Variants in RTTN observed in about 807,000 individuals in gnomAD.
RTTN encodes the protein rotatin.
RTTN carries 182 observed loss-of-function variants against 269.2 expected under a neutral mutation model. The observed-to-expected ratio is 0.68, with a 90% CI of 0.60 to 0.76. RTTN has a LOEUF of 0.76. Ranked by LOEUF, RTTN falls within the 30% of genes least tolerant of loss-of-function variation. RTTN has a pLI of 0.00. For synonymous variants in RTTN, 1,006 were observed against 963.5 expected, an observed-to-expected ratio of 1.04 and a Z score of -0.82; for missense variants, 2,545 against 2,608.6, an observed-to-expected ratio of 0.98 and a Z score of 0.53.
chr18:70,004,910 A>G (rs1237494145), intron 48 of RTTN, among the ~76,000 whole-genome samples: 1 of 152,218 alleles, frequency 6.6e-6, no homozygotes, highest in African/African-American at 2.4e-5. Context: ...TAATTGGGCC[A>G]GTTCTTATCA....
chr18:70,133,128 C>T (rs1018709973), intron 23 of RTTN, among the ~76,000 whole-genome samples: 8 of 152,132 alleles, frequency 5.3e-5, no homozygotes, highest in South Asian at 2.1e-4. Flanking sequence ...AGCACACTTA[C>T]TAGAGAACAT....
Position 70,004,059 on chromosome 18 carries a change from G to A in RTTN, c.*92C>T, listed in dbSNP as rs536091118. ...TCAACACTTTGTAGAGAGGTAGCAC[G>A]TCTTCAGGTAACAGCTGCTACACAC... On this transcript the variant is annotated 3_prime_UTR_variant, in exon 49 of 49. Transcript: ENST00000640769. The A allele has an allele frequency of 3.7e-4, 334 of 892,088 alleles. 3 individuals carry two copies. Among genetic ancestry groups the A allele is most frequent in the South Asian group, 3.4e-3 (241 of 71,388 alleles). The allele number at this position is 892,088 out of a possible 1,614,324, so 55.3% of individuals were successfully genotyped here.
At chr18:70,171,861 A>T (rs2061152100) in intron 11 of RTTN, among the ~76,000 whole-genome samples, 1 of 152,218 alleles carries the variant, frequency 6.6e-6, no homozygotes, top group East Asian at 1.9e-4. Flanking sequence ...TGTGATTAAC[A>T]ATATCTCTAA....
In RTTN at chr18:70,057,724, C is replaced by T. The variant is rs1311786903; in HGVS notation, c.5031+18G>A. 8.1e-6 allele frequency: 13 copies of T among 1,605,194 alleles called. No homozygotes were observed. Among genetic ancestry groups the T allele is most frequent in the East Asian group, 4.5e-5 (2 of 44,822 alleles). ...CACCTAACGTAAACAAACCCACAAA[C>T]AGACTTGAGATGCTTACCTGAGCCT... On this transcript the variant is annotated intron_variant, in intron 37 of 48. Transcript: ENST00000640769.
chr18:70,077,737 T>C (rs889976321), intron 32 of RTTN, among the ~76,000 whole-genome samples: 1 of 151,892 alleles, frequency 6.6e-6, no homozygotes, highest in African/African-American at 2.4e-5. Flanking sequence ...GACACAAATT[T>C]ATAACTAAAT....
At position 70,170,921 on chromosome 18, in the gene RTTN, T is replaced by C. The variant is rs185244013; in HGVS notation, c.1477-1854A>G. Reference sequence around the variant, plus strand: ...AAAAGAAAGGAATCAAGGCTGACTCTAAGGTTTTTGCCTGATCAACGATCA... The same window carrying C: ...AAAAGAAAGGAATCAAGGCTGACTCCAAGGTTTTTGCCTGATCAACGATCA... On this transcript the variant is annotated intron_variant, in intron 11 of 48. Transcript: ENST00000640769. Among the ~76,000 whole-genome samples the C allele has an allele frequency of 1.9e-4, 29 of 152,270 alleles. No homozygotes were observed. The East Asian group carries it at 5.4e-3, about 28-fold the overall frequency.
intron 32 of RTTN, among the ~76,000 whole-genome samples, chr18:70,082,166 C>T (rs755602907): frequency 6.6e-6 from 1 of 152,118 alleles, no homozygotes; most frequent in Non-Finnish European, 1.5e-5. Flanking sequence ...AAATCACAAA[C>T]TGACAACCCA....
intron 20 of RTTN, 29 bp from the exon 21 acceptor site, chr18:70,139,745 C>T: frequency 1.5e-6 from 2 of 1,324,458 alleles, no homozygotes; most frequent in Non-Finnish European, 2.2e-6. Flanking sequence ...CACAGCTTTT[C>T]ATTTTCACCA....
chr18:70,028,772 A>G lies in RTTN; in HGVS notation c.5775T>C (p.Ile1925=), dbSNP rs762466188. The G allele has an allele frequency of 1.2e-6, 2 of 1,612,120 alleles. No homozygotes were observed. Among genetic ancestry groups the G allele is most frequent in the South Asian group, 2.2e-5 (2 of 90,876 alleles). The change falls in exon 43 of 49, where the codon ATT becomes ATC. Residue 1925 remains isoleucine, a synonymous_variant. Coordinates refer to ENST00000640769, the MANE Select transcript of RTTN (RefSeq NM_173630.4). ...KEDGVIKELS[I]AMQLLRNCLY... is the part of the protein sequence containing the mutation. ...GACAGTTTCTTAGGAGCTGCATGGC[A>G]ATGCTTAACTCTTTAATAACACCAT...
chr18:70,134,600 A>G, intron 22 of RTTN, 59 bp from the exon 23 acceptor site: 2 of 1,158,688 alleles, frequency 1.7e-6, no homozygotes, highest in South Asian at 2.7e-5. Context: ...AGTTTTGTCT[A>G]ACAAATACAA....
chr18:70,165,289 T>G (rs1466901083), intron 14 of RTTN, among the ~76,000 whole-genome samples: 1 of 151,430 alleles, frequency 6.6e-6, no homozygotes, highest in Non-Finnish European at 1.5e-5. Flanking sequence ...ATTCTTTAAA[T>G]TATTTAAAGA....
chr18:70,181,009 G>A (rs1421599230), intron 10 of RTTN, among the ~76,000 whole-genome samples: 1 of 152,132 alleles, frequency 6.6e-6, no homozygotes, highest in Non-Finnish European at 1.5e-5. Flanking sequence ...AGCAGGGAAG[G>A]TCTATGTAAT....
Position 70,040,177 on chromosome 18 carries a change from CAGTGGCTGA to C in RTTN, c.5541+7785_5541+7793del, listed in dbSNP as rs554707845. 2.0e-4 allele frequency among the ~76,000 whole-genome samples: 31 copies of C among 152,214 alleles called. No homozygotes were observed. The South Asian group carries it at 3.1e-3, about 15-fold the overall frequency. On this transcript the variant is annotated intron_variant, in intron 40 of 48. Coordinates refer to ENST00000640769, the MANE Select transcript of RTTN (RefSeq NM_173630.4). ...CTAAACTCTACAATAAAAACACACACAGTGGCTGAAGGGATGAAAAAACAATGCCCACTT... is the reference window on the plus strand; with the variant it reads ...CTAAACTCTACAATAAAAACACACACAGGGATGAAAAAACAATGCCCACTT...
chr18:70,160,657 GAA>G (rs34101176), intron 14 of RTTN, among the ~76,000 whole-genome samples: 221 of 106,130 alleles, frequency 2.1e-3, no homozygotes, highest in East Asian at 9.8e-3. Flanking sequence ...TTCTATACCT[GAA>G]AAAAAAAAAA....
intron 28 of RTTN, among the ~76,000 whole-genome samples, chr18:70,101,109 T>G (rs1283417730): frequency 6.6e-5 from 10 of 152,182 alleles, no homozygotes; most frequent in Admixed American, 5.2e-4. Context: ...TTAGGGAGGA[T>G]TCCCTCTTTT....
At chr18:70,043,983 C>A (rs2057418554) in intron 40 of RTTN, among the ~76,000 whole-genome samples, 1 of 152,194 alleles carries the variant, frequency 6.6e-6, no homozygotes, top group Non-Finnish European at 1.5e-5. Flanking sequence ...AAAAAGAAAT[C>A]AAGACGATAT....
chr18:70,056,008 G>C (rs1487520858), intron 37 of RTTN, among the ~76,000 whole-genome samples: 1 of 152,108 alleles, frequency 6.6e-6, no homozygotes, highest in Non-Finnish European at 1.5e-5. Flanking sequence ...TCCCCTTTCT[G>C]ACACACCCTT....
At chr18:70,197,805 G>C in intron 5 of RTTN, 67 bp from the exon 6 acceptor site, 1 of 941,850 alleles carries the variant, frequency 1.1e-6, no homozygotes, top group African/African-American at 1.6e-5. Context: ...GTAGCCTACT[G>C]ACACAATGAC....
intron 26 of RTTN, among the ~76,000 whole-genome samples, chr18:70,119,018 G>T (rs1449123666): frequency 1.3e-5 from 2 of 151,942 alleles, no homozygotes; most frequent in African/African-American, 4.8e-5. Flanking sequence ...CTAAGATCAG[G>T]AACAAGACAA....
Sources: allele counts gnomAD v4.1 joint callset (sites outside exome capture counted in the v4.1 genomes callset), GRCh38; gene constraint gnomAD v4.1.1; transcripts MANE v1.5; gene names NCBI Gene and HGNC (gene_info 2026-07-23, HGNC 2026-07-21).